Variants in RBPMS observed in about 807,000 individuals in gnomAD.
RBPMS encodes the protein RNA-binding protein with multiple splicing.
A neutral mutation model predicts 26.8 loss-of-function variants in RBPMS; 7 were observed. That is an observed-to-expected ratio of 0.26 (90% CI 0.15 to 0.49). The LOEUF (loss-of-function observed/expected upper bound fraction) is 0.49. Ranked by LOEUF, RBPMS falls within the 20% of genes least tolerant of loss-of-function variation. RBPMS has a pLI of 0.98. For missense variants in RBPMS, 186 were observed against 250.0 expected, an observed-to-expected ratio of 0.74 and a Z score of 1.73; for synonymous variants, 96 against 93.3, an observed-to-expected ratio of 1.03 and a Z score of -0.17.
intron 1 of RBPMS, among the ~76,000 whole-genome samples, chr8:30,395,461 C>CAAAAAAAAA (rs55914538): frequency 6.8e-5 from 3 of 43,804 alleles, no homozygotes; most frequent in African/African-American, 1.8e-4. Context: ...GACTCTGTCT[C>CAAAAAAAAA]AAAAAAAAAA....
chr8:30,521,253 A>G (rs1822989607), intron 5 of RBPMS, among the ~76,000 whole-genome samples: 1 of 152,164 alleles, frequency 6.6e-6, no homozygotes, highest in African/African-American at 2.4e-5. Flanking sequence ...GAAGACAGTG[A>G]TATGGGTGGG....
intron 1 of RBPMS, among the ~76,000 whole-genome samples, chr8:30,416,838 C>T (rs1044892805): frequency 6.6e-6 from 1 of 151,916 alleles, no homozygotes; most frequent in South Asian, 2.1e-4. Context: ...GGTGCAATCT[C>T]GACTCACTGC....
rs148484502 is a variant in RBPMS at position 30,453,304 on chromosome 8, T to G, written c.67-21475T>G. 6.8e-3 allele frequency among the ~76,000 whole-genome samples: 1,034 copies of G among 152,312 alleles called. 11 individuals carry two copies. The highest frequency in any genetic ancestry group is 0.024 in the African/African-American group (980 of 41,562). ...GCAGAATCTCAGCCCCCACGTTAGATCTACTAAATCAGAATCTACATTTCA... is the reference window on the plus strand; with the variant it reads ...GCAGAATCTCAGCCCCCACGTTAGAGCTACTAAATCAGAATCTACATTTCA... On this transcript the variant is annotated intron_variant, in intron 1 of 8. Transcript: ENST00000397323.
intron 1 of RBPMS, among the ~76,000 whole-genome samples, chr8:30,388,233 A>G (rs889998168): frequency 2.0e-5 from 3 of 151,978 alleles, no homozygotes; most frequent in Non-Finnish European, 4.4e-5. Context: ...GTCATTTCTT[A>G]TATTTTACAA....
chr8:30,484,265 A>G (rs1040181977), intron 4 of RBPMS, among the ~76,000 whole-genome samples: 1 of 152,224 alleles, frequency 6.6e-6, no homozygotes, highest in African/African-American at 2.4e-5. Flanking sequence ...TTCTTGCTAA[A>G]TGCTGTTTGA....
At chr8:30,423,124 T>A (rs1810979475) in intron 1 of RBPMS, among the ~76,000 whole-genome samples, 2 of 152,350 alleles carry the variant, frequency 1.3e-5, no homozygotes, top group South Asian at 4.1e-4. Flanking sequence ...ACTTCCAGCC[T>A]GTTTACTCTG....
chr8:30,561,914 C>G, intron 7 of RBPMS: 13 of 985,344 alleles, frequency 1.3e-5, no homozygotes, highest in Non-Finnish European at 1.4e-5. Context: ...TATCTGCTCA[C>G]CTAATTTTTT....
At chr8:30,456,175 TTTG>T (rs1180618137) in intron 1 of RBPMS, among the ~76,000 whole-genome samples, 2 of 152,224 alleles carry the variant, frequency 1.3e-5, no homozygotes, top group Non-Finnish European at 2.9e-5. Flanking sequence ...TTATCTGATA[TTTG>T]TTGTTTTTTA....
chr8:30,556,371 C>T (rs112674727), intron 6 of RBPMS: 65,984 of 985,624 alleles, frequency 0.067, 2,332 homozygotes, highest in Non-Finnish European at 0.074. Context: ...CCTGCAGGCA[C>T]CTGTGCGAGT....
intron 5 of RBPMS, among the ~76,000 whole-genome samples, chr8:30,514,680 C>CTTTTTTTTTT (rs577244764): frequency 0.06 from 4,885 of 82,058 alleles, 803 homozygotes; most frequent in Non-Finnish European, 0.077. Context: ...CCATGCCGGG[C>CTTTTTTTTTT]TTTTTTTTTT....
Position 30,558,954 on chromosome 8 carries a change from T to C in RBPMS, c.*5T>C, listed in dbSNP as rs754275111. On this transcript the variant is annotated splice_region_variant and 3_prime_UTR_variant, in exon 7 of 9. Transcript: ENST00000397323. ...AAGTCCCGTCAGTTCTGCTGAATACTATGTAAGTACTCGCTTTCCTTTGGA... is the reference window on the plus strand; with the variant it reads ...AAGTCCCGTCAGTTCTGCTGAATACCATGTAAGTACTCGCTTTCCTTTGGA... The C allele has an allele frequency of 3.7e-5, 59 of 1,613,432 alleles. 1 individual carries two copies. The highest frequency in any genetic ancestry group is 4.4e-5 in the South Asian group (4 of 91,088).
chr8:30,495,254 C>T (rs1232018895), intron 4 of RBPMS, among the ~76,000 whole-genome samples: 1 of 150,044 alleles, frequency 6.7e-6, no homozygotes, highest in East Asian at 1.9e-4. Flanking sequence ...TTTTATGGAA[C>T]ATCTGGTTTA....
intron 2 of RBPMS, among the ~76,000 whole-genome samples, chr8:30,476,567 A>C (rs972201200): frequency 6.6e-6 from 1 of 152,164 alleles, no homozygotes; most frequent in African/African-American, 2.4e-5. Context: ...CTCTGCTGGG[A>C]AGATGTAAGG....
At chr8:30,542,148 G>A (rs920672687) in intron 5 of RBPMS, among the ~76,000 whole-genome samples, 3 of 152,106 alleles carry the variant, frequency 2.0e-5, no homozygotes, top group African/African-American at 4.8e-5. Context: ...TCACTAATAC[G>A]TTACTACTAC....
At chr8:30,551,908 G>C (rs1012604585) in intron 6 of RBPMS, among the ~76,000 whole-genome samples, 7 of 152,144 alleles carry the variant, frequency 4.6e-5, no homozygotes, top group African/African-American at 1.4e-4. Flanking sequence ...GGTTTATTTT[G>C]CAGAAAACAG....
chr8:30,393,441 CTT>C (rs370427874), intron 1 of RBPMS, among the ~76,000 whole-genome samples: 2 of 151,948 alleles, frequency 1.3e-5, no homozygotes, highest in African/African-American at 4.8e-5. Context: ...TCTTTTTTGA[CTT>C]TTTTGGGGAA....
At chr8:30,504,496 A>C in intron 5 of RBPMS, 60 bp downstream of exon 5, 1 of 1,538,704 alleles carries the variant, frequency 6.5e-7, no homozygotes, top group South Asian at 1.2e-5. Flanking sequence ...CATGTGCTGC[A>C]TGTGAGGTTA....
intron 1 of RBPMS, among the ~76,000 whole-genome samples, chr8:30,442,333 C>T (rs566061410): frequency 6.6e-6 from 1 of 152,248 alleles, no homozygotes; most frequent in Admixed American, 6.5e-5. Context: ...TCCTTCCCTG[C>T]CTCACCAAGT....
intron 5 of RBPMS, among the ~76,000 whole-genome samples, chr8:30,515,027 T>C (rs1822158520): frequency 6.6e-6 from 1 of 152,200 alleles, no homozygotes; most frequent in Non-Finnish European, 1.5e-5. Flanking sequence ...TGTCTCACTC[T>C]GTTGCCAGTG....
Sources: gnomAD v4.1 joint callset for allele counts (sites outside exome capture counted in the v4.1 genomes callset) on GRCh38, gnomAD v4.1.1 for gene constraint, MANE v1.5 for transcripts, NCBI Gene and HGNC (gene_info 2026-07-23, HGNC 2026-07-21) for gene names.